The following DIP2C variants were observed in gnomAD, a reference collection of about 807,000 sequenced individuals.
DIP2C encodes the protein DIP2 acetate--CoA ligase C (putative).
A neutral mutation model predicts 192.4 loss-of-function variants in DIP2C; 33 were observed. That is an observed-to-expected ratio of 0.17 (90% CI 0.13 to 0.23). The LOEUF is 0.23. Ranked by LOEUF, DIP2C falls within the 10% of genes least tolerant of loss-of-function variation. The pLI is 1.00. For missense variants in DIP2C, 1,537 were observed against 2,110.1 expected (o/e 0.73, Z 5.32); for synonymous variants, 979 against 864.1 (o/e 1.13, Z -2.33).
intron 1 of DIP2C, among the ~76,000 whole-genome samples, chr10:606,468 T>C (rs1477812863): frequency 6.6e-6 from 1 of 151,636 alleles, no homozygotes; most frequent in African/African-American, 2.4e-5. Context: ...GCTGCGGTAA[T>C]TACCTGCTGT....
At chr10:565,183 C>A (rs1318846984) in intron 1 of DIP2C, among the ~76,000 whole-genome samples, 1 of 152,076 alleles carries the variant, frequency 6.6e-6, no homozygotes, top group African/African-American at 2.4e-5. Context: ...CAAGAGAACA[C>A]GTCCATTCCA....
At chr10:630,067 T>G (rs705487) in intron 1 of DIP2C, 2 of 152,124 alleles carry the variant, frequency 1.3e-5, no homozygotes, top group Non-Finnish European at 2.9e-5. Context: ...TAAAGTCGGA[T>G]TAACTCATCT....
intron 1 of DIP2C, among the ~76,000 whole-genome samples, chr10:489,440 G>A (rs575439051): frequency 6.6e-6 from 1 of 152,368 alleles, no homozygotes; most frequent in Admixed American, 6.5e-5. Context: ...GGAGGTGAGA[G>A]ACTGACAGGC....
chr10:496,970 A>G (rs1322294990), intron 1 of DIP2C, among the ~76,000 whole-genome samples: 1 of 151,890 alleles, frequency 6.6e-6, no homozygotes, highest in Non-Finnish European at 1.5e-5. Flanking sequence ...TAAAAATACA[A>G]AAAGTTAGCC....
rs150111210 is a variant in DIP2C, at chr10:603,383, T to C, written c.85+86111A>G. ...ATACTAGTAATGTGGGCAGATTCTA[T>C]ACCCCAACCCTTATTCAAAGGTCGC... On this transcript the variant is annotated intron_variant, in intron 1 of 36. Transcript: ENST00000280886. Among the ~76,000 whole-genome samples the C allele has an allele frequency of 2.5e-3, 351 of 141,168 alleles. 5 individuals carry two copies. Among genetic ancestry groups the C allele is most frequent in the African/African-American group, 8.5e-3 (323 of 38,000 alleles). 92.6% of individuals were successfully genotyped at this position (141,168 alleles called of 152,430 possible). A position where few individuals can be genotyped will look rare whatever the true frequency, so the allele number is the denominator to read the frequency against.
At chr10:503,262 CAGGACTTTCTGT>C (rs763974288) in intron 1 of DIP2C, among the ~76,000 whole-genome samples, 1 of 152,188 alleles carries the variant, frequency 6.6e-6, no homozygotes, top group Admixed American at 6.5e-5. Context: ...TAAATCCTGC[CAGGACTTTCTGT>C]AGATGCAGAC....
At chr10:429,213 G>A (rs1160646838) in intron 4 of DIP2C, among the ~76,000 whole-genome samples, 4 of 48,510 alleles carry the variant, frequency 8.2e-5, no homozygotes, top group Middle Eastern at 0.012. Flanking sequence ...GCCTCCCCCC[G>A]GACCCTGGCT....
chr10:332,899 C>T (rs1423605485), intron 29 of DIP2C, among the ~76,000 whole-genome samples: 2 of 152,138 alleles, frequency 1.3e-5, no homozygotes, highest in Non-Finnish European at 2.9e-5. Flanking sequence ...TGCAATGAAG[C>T]ACTTTATTAT....
chr10:528,235 C>CA (rs2130847714), intron 1 of DIP2C, among the ~76,000 whole-genome samples: 1 of 152,304 alleles, frequency 6.6e-6, no homozygotes, highest in Non-Finnish European at 1.5e-5. Context: ...TCATGCCTTT[C>CA]ACCAAGACAT....
chr10:336,919 TGTTGTGGAGGCCTAGACTGGTGTGTGCGC>T (rs1378364679), intron 29 of DIP2C, among the ~76,000 whole-genome samples: 1,532 of 66,638 alleles, frequency 0.023, 39 homozygotes, highest in Non-Finnish European at 0.042. Context: ...TGTGTGTGTG[TGTTGTGGAGGCCTAGACTGGTGTGTGCGC>T]GTGTGTGTGT....
At chr10:410,858 G>A (rs1317415398) in intron 8 of DIP2C, among the ~76,000 whole-genome samples, 1 of 152,204 alleles carries the variant, frequency 6.6e-6, no homozygotes, top group East Asian at 1.9e-4. Context: ...AAGAGAAAAG[G>A]CAGGAAGTTA....
At chr10:539,926 A>G (rs913357942) in intron 1 of DIP2C, among the ~76,000 whole-genome samples, 1 of 152,226 alleles carries the variant, frequency 6.6e-6, no homozygotes, top group Non-Finnish European at 1.5e-5. Flanking sequence ...AAACCCCTAA[A>G]TATGAAAATG....
At chr10:380,983 C>A (rs931575227) in intron 17 of DIP2C, among the ~76,000 whole-genome samples, 6 of 152,194 alleles carry the variant, frequency 3.9e-5, no homozygotes, top group Non-Finnish European at 7.3e-5. Context: ...CTTCTGTTCA[C>A]ACATTCAGAA....
At chr10:326,123 G>T (rs1161777255) in intron 31 of DIP2C, among the ~76,000 whole-genome samples, 1 of 152,138 alleles carries the variant, frequency 6.6e-6, no homozygotes, top group Non-Finnish European at 1.5e-5. Context: ...GGGGGCAGGG[G>T]GTTGAGGCTG....
At chr10:414,223 A>G in intron 7 of DIP2C, 113 bp from the exon 8 acceptor site, 2 of 1,255,724 alleles carry the variant, frequency 1.6e-6, no homozygotes, top group Non-Finnish European at 2.2e-6. Flanking sequence ...TACATTTATT[A>G]GCTGACAGAA....
intron 2 of DIP2C, among the ~76,000 whole-genome samples, chr10:482,151 G>A (rs1048385173): frequency 6.6e-6 from 1 of 152,210 alleles, no homozygotes; most frequent in Non-Finnish European, 1.5e-5. Context: ...TGCACGGCCT[G>A]AGCAGAGTTC....
At chr10:478,714 G>A (rs1000785260) in intron 2 of DIP2C, among the ~76,000 whole-genome samples, 3 of 151,114 alleles carry the variant, frequency 2.0e-5, no homozygotes, top group Non-Finnish European at 4.4e-5. Context: ...TCTCGTGTCC[G>A]GGCGTGCTGG....
chr10:617,899 C>A (rs761191999), intron 1 of DIP2C, among the ~76,000 whole-genome samples: 4 of 150,722 alleles, frequency 2.7e-5, no homozygotes, highest in Non-Finnish European at 5.9e-5. Context: ...TGCACTAATA[C>A]CTCGTTTACA....
chr10:530,370 C>T (rs1291031660), intron 1 of DIP2C, among the ~76,000 whole-genome samples: 2 of 152,088 alleles, frequency 1.3e-5, no homozygotes, highest in Admixed American at 6.5e-5. Context: ...TCACCTAATG[C>T]CCATTTTGTA....
Sources: allele counts gnomAD v4.1 joint callset (sites outside exome capture counted in the v4.1 genomes callset), GRCh38; gene constraint gnomAD v4.1.1; transcripts MANE v1.5; gene names NCBI Gene and HGNC (gene_info 2026-07-23, HGNC 2026-07-21).